KAT6B: variants seen among roughly 807,000 people sequenced by gnomAD.
KAT6B encodes the protein histone acetyltransferase KAT6B.
KAT6B carries 10 observed loss-of-function variants against 187.5 expected under a neutral mutation model. The ratio of observed to expected loss-of-function variants is 0.05; its 90% confidence interval spans 0.03 to 0.09. The LOEUF (loss-of-function observed/expected upper bound fraction) is 0.09. KAT6B is among the 10% of genes least tolerant of loss of function. The pLI is 1.00. For synonymous variants in KAT6B, 861 were observed against 926.8 expected, an observed-to-expected ratio of 0.93 and a Z score of 1.29; for missense variants, 1,952 against 2,558.9, an observed-to-expected ratio of 0.76 and a Z score of 5.12.
intron 3 of KAT6B, among the ~76,000 whole-genome samples, chr10:74,944,310 G>C (rs759816379): frequency 1.6e-4 from 25 of 152,194 alleles, no homozygotes; most frequent in Admixed American, 3.9e-4. Flanking sequence ...ATTCTCTGCA[G>C]CTTGAGGCAA....
chr10:74,855,120 A>T (rs1412533295), intron 3 of KAT6B, among the ~76,000 whole-genome samples: 2 of 152,214 alleles, frequency 1.3e-5, no homozygotes, highest in Non-Finnish European at 2.9e-5. Flanking sequence ...ACTCTTCCAC[A>T]ATTCAAGGGA....
intron 3 of KAT6B, among the ~76,000 whole-genome samples, chr10:74,946,726 G>C (rs1201151002): frequency 1.3e-5 from 2 of 152,172 alleles, no homozygotes; most frequent in Non-Finnish European, 2.9e-5. Context: ...GCTTAGGAAG[G>C]GAAGTGGAAA....
At chr10:75,004,009 C>T (rs1397271731) in intron 13 of KAT6B, among the ~76,000 whole-genome samples, 1 of 150,528 alleles carries the variant, frequency 6.6e-6, no homozygotes, top group Non-Finnish European at 1.5e-5. Context: ...AGTGTTTTGC[C>T]TTACATAGCT....
chr10:74,960,786 A>C (rs1841045000), intron 4 of KAT6B, among the ~76,000 whole-genome samples: 1 of 152,208 alleles, frequency 6.6e-6, no homozygotes, highest in South Asian at 2.1e-4. Context: ...GGGCACAAGT[A>C]AACACCCTGG....
At chr10:74,908,300 TG>T (rs1846925259) in intron 3 of KAT6B, among the ~76,000 whole-genome samples, 1 of 152,140 alleles carries the variant, frequency 6.6e-6, no homozygotes, top group Non-Finnish European at 1.5e-5. Flanking sequence ...CAGTGGCTCA[TG>T]CCTGTAATCG....
chr10:74,946,361 T>C (rs1245325595), intron 3 of KAT6B, among the ~76,000 whole-genome samples: 2 of 152,218 alleles, frequency 1.3e-5, no homozygotes, highest in Non-Finnish European at 2.9e-5. Context: ...GTTAAACATA[T>C]ACCCATCTAA....
chr10:75,015,797 C>G (rs368696528), intron 13 of KAT6B, among the ~76,000 whole-genome samples: 2 of 152,280 alleles, frequency 1.3e-5, no homozygotes, highest in Non-Finnish European at 2.9e-5. Context: ...AGCTGGTGAC[C>G]CCAAACTCAC....
chr10:75,023,455 G>A (rs919507767), intron 16 of KAT6B: 2 of 152,158 alleles, frequency 1.3e-5, no homozygotes, highest in African/African-American at 4.8e-5. Flanking sequence ...TTCATGTGTT[G>A]TATATATAAT....
rs949648621 is a variant in KAT6B, at chr10:74,839,271, C to A, written c.-259+519C>A. On this transcript the variant is annotated intron_variant, in intron 2 of 17. Transcript: ENST00000287239. ...TTGAGATGGAGTTTCGCTCTTGTTG[C>A]CGAGGCTGGAGTACAATGGCGCAAT... Among the ~76,000 whole-genome samples, 9 of 148,626 alleles carry A rather than the reference C, an allele frequency of 6.1e-5. No homozygotes were observed. In the Admixed American group the frequency reaches 6.1e-4, roughly 10 times the overall value.
At chr10:74,908,815 T>C (rs1460212287) in intron 3 of KAT6B, among the ~76,000 whole-genome samples, 1 of 152,172 alleles carries the variant, frequency 6.6e-6, no homozygotes, top group Non-Finnish European at 1.5e-5. Context: ...TTTTCCTTTA[T>C]AGTTTAAAAA....
At chr10:75,023,347 C>A (rs939698381) in intron 16 of KAT6B, 3 of 152,250 alleles carry the variant, frequency 2.0e-5, no homozygotes, top group Admixed American at 2.0e-4. Context: ...TGGCAGTCTT[C>A]TGGAAGGGTC....
chr10:75,020,096 T>C (rs979950525), intron 13 of KAT6B, among the ~76,000 whole-genome samples: 5 of 152,218 alleles, frequency 3.3e-5, no homozygotes, highest in African/African-American at 1.2e-4. Context: ...ATATAGACTC[T>C]GAGTCAACAG....
chr10:74,846,662 C>G (rs1842124731), intron 3 of KAT6B, among the ~76,000 whole-genome samples: 1 of 152,308 alleles, frequency 6.6e-6, no homozygotes, highest in South Asian at 2.1e-4. Flanking sequence ...TGGCCTCAAT[C>G]TCCTGACCTC....
intron 13 of KAT6B, among the ~76,000 whole-genome samples, chr10:75,005,955 C>A (rs1844174840): frequency 1.3e-5 from 2 of 152,132 alleles, no homozygotes; most frequent in African/African-American, 4.8e-5. Context: ...ATATGCAGCA[C>A]AATTACACGG....
rs151160120 is a variant in KAT6B at position 75,020,628 on chromosome 10, G to A, written c.2676G>A (p.Lys892=). The A allele has an allele frequency of 2.5e-5, 40 of 1,614,110 alleles. No homozygotes were observed. The African/African-American group carries it at 5.3e-4, about 22-fold the overall frequency. ...AAGGCCAAGCAGGGTCTCCTGAAAAGCCTCTCTCCGATCTGGGCCGTCTCT... is the reference window on the plus strand; with the variant it reads ...AAGGCCAAGCAGGGTCTCCTGAAAAACCTCTCTCCGATCTGGGCCGTCTCT... ...RREGQAGSPE[K]PLSDLGRLSY... is the part of the protein sequence containing the mutation. The change falls in exon 14 of 18, where the codon AAG becomes AAA. Residue 892 remains lysine, a synonymous_variant. Coordinates refer to ENST00000287239, the MANE Select transcript of KAT6B (RefSeq NM_012330.4).
intron 5 of KAT6B, 22 bp downstream of exon 5, chr10:74,969,797 C>T (rs765276058): frequency 1.9e-5 from 29 of 1,503,004 alleles, no homozygotes; most frequent in Non-Finnish European, 2.4e-5. Context: ...TCCCGTAATC[C>T]GCCTCCAGGT....
intron 3 of KAT6B, among the ~76,000 whole-genome samples, chr10:74,924,669 C>T (rs539376520): frequency 6.6e-6 from 1 of 152,200 alleles, no homozygotes; most frequent in Non-Finnish European, 1.5e-5. Flanking sequence ...ATCAAAACAG[C>T]ACTTCTTAAC....
In KAT6B at chr10:74,979,877, G is replaced by A. The variant is rs565920156; in HGVS notation, c.2231+538G>A. On this transcript the variant is annotated intron_variant, in intron 10 of 17. Coordinates refer to ENST00000287239, the MANE Select transcript of KAT6B (RefSeq NM_012330.4). ...AGAACATTTGTGACTTTGAAGAGAA[G>A]GCCAGGCCCGGTGACTCACTCCTGT... 5.9e-5 allele frequency among the ~76,000 whole-genome samples: 9 copies of A among 152,312 alleles called. No individual in the cohort carries two copies. In the South Asian group the frequency reaches 1.9e-3, roughly 32 times the overall value.
intron 3 of KAT6B, among the ~76,000 whole-genome samples, chr10:74,900,427 G>T (rs1049527735): frequency 6.6e-6 from 1 of 152,226 alleles, no homozygotes; most frequent in Non-Finnish European, 1.5e-5. Context: ...CACTCTGTCT[G>T]CGAGTAGGTT....
Sources: allele counts gnomAD v4.1 joint callset (sites outside exome capture counted in the v4.1 genomes callset), GRCh38; gene constraint gnomAD v4.1.1; transcripts MANE v1.5; gene names NCBI Gene and HGNC (gene_info 2026-07-23, HGNC 2026-07-21).